The following RIPOR2 variants were observed in gnomAD, a reference collection of about 807,000 sequenced individuals.
The protein encoded by RIPOR2 is rho family-interacting cell polarization regulator 2.
RIPOR2 carries 39 observed loss-of-function variants against 114.5 expected under a neutral mutation model. The ratio of observed to expected loss-of-function variants is 0.34; its 90% CI spans 0.26 to 0.44. RIPOR2 has a LOEUF of 0.44. Among genes scored for constraint, RIPOR2 ranks in the 20% least tolerant of loss-of-function variants. The pLI, the probability that RIPOR2 is intolerant of heterozygous loss-of-function variation, is 1.00. For synonymous variants in RIPOR2, 445 were observed against 484.4 expected (o/e 0.92, Z 1.07); for missense variants, 1,007 against 1,255.1 (o/e 0.80, Z 2.99).
intron 1 of RIPOR2, among the ~76,000 whole-genome samples, chr6:24,957,194 T>G (rs1773078161): frequency 7.0e-6 from 1 of 142,228 alleles, no homozygotes; most frequent in Non-Finnish European, 1.5e-5. Flanking sequence ...AAAATCTCTC[T>G]TGGGACTCAC....
intron 1 of RIPOR2, among the ~76,000 whole-genome samples, chr6:25,002,613 C>A (rs1266258683): frequency 6.6e-6 from 1 of 152,218 alleles, no homozygotes; most frequent in Non-Finnish European, 1.5e-5. Flanking sequence ...GCAGAAGCAA[C>A]AGTGCCCTTT....
chr6:24,981,839 C>A (rs114378178), intron 1 of RIPOR2, among the ~76,000 whole-genome samples: 1,547 of 152,288 alleles, frequency 0.01, 22 homozygotes, highest in African/African-American at 0.026. Flanking sequence ...TGAGGTGCTA[C>A]TTGAAAGAGA....
At chr6:24,942,688 T>A (rs997640252) in intron 1 of RIPOR2, among the ~76,000 whole-genome samples, 1 of 152,224 alleles carries the variant, frequency 6.6e-6, no homozygotes, top group Non-Finnish European at 1.5e-5. Context: ...TTTTCATATG[T>A]CTTTTGGCTA....
At chr6:24,830,442 G>T in intron 17 of RIPOR2, 67 bp downstream of exon 17, 2 of 693,492 alleles carry the variant, frequency 2.9e-6, no homozygotes, top group East Asian at 4.6e-5. Flanking sequence ...CCTCTCCCCC[G>T]ACCCCCACCC....
At position 24,976,303 on chromosome 6, in the gene RIPOR2, C is replaced by T. The variant is rs1055448284; in HGVS notation, c.76+65548G>A. 3 of 711,206 alleles carry T rather than the reference C, an allele frequency of 4.2e-6. No homozygotes were observed. In the East Asian group the frequency reaches 8.2e-5, roughly 19 times the overall value. 44.1% of individuals were successfully genotyped at this position (711,206 alleles called of 1,614,324 possible). On this transcript the variant is annotated intron_variant, in intron 1 of 13. Transcript: ENST00000510784. ...CGTATATATGCCTTGAAATATTGTGCAACCACTTAAATTGTGTTTTTAAAA... is the reference window on the plus strand; with the variant it reads ...CGTATATATGCCTTGAAATATTGTGTAACCACTTAAATTGTGTTTTTAAAA...
At chr6:24,970,612 G>T (rs895225797) in intron 1 of RIPOR2, among the ~76,000 whole-genome samples, 1 of 152,098 alleles carries the variant, frequency 6.6e-6, no homozygotes, top group African/African-American at 2.4e-5. Flanking sequence ...TATAGCCTCC[G>T]GGTTCACATG....
chr6:24,837,713 T>C (rs1302681578), intron 14 of RIPOR2, among the ~76,000 whole-genome samples: 1 of 152,188 alleles, frequency 6.6e-6, no homozygotes, highest in African/African-American at 2.4e-5. Flanking sequence ...CCTGGCCAAA[T>C]GTAGGATAAT....
intron 1 of RIPOR2, among the ~76,000 whole-genome samples, chr6:24,884,554 GA>G (rs1467363491): frequency 6.6e-6 from 1 of 152,040 alleles, no homozygotes; most frequent in African/African-American, 2.4e-5. Context: ...GTGAACGGAT[GA>G]AAAAAAAGTG....
intron 11 of RIPOR2, 95 bp from the exon 12 acceptor site, chr6:24,848,249 A>C: frequency 7.8e-7 from 1 of 1,284,992 alleles, no homozygotes; most frequent in South Asian, 1.5e-5. Context: ...ATATAAAGGT[A>C]AACTCAACCA....
chr6:25,017,784 C>T (rs1776086884), intron 1 of RIPOR2, among the ~76,000 whole-genome samples: 1 of 152,206 alleles, frequency 6.6e-6, no homozygotes, highest in Non-Finnish European at 1.5e-5. Context: ...GATGGGAATG[C>T]AGGAATCAGC....
intron 1 of RIPOR2, among the ~76,000 whole-genome samples, chr6:24,959,835 C>A (rs1462966741): frequency 6.6e-6 from 1 of 152,174 alleles, no homozygotes; most frequent in Admixed American, 6.5e-5. Flanking sequence ...CTGTCTTGTG[C>A]TGCTTATGAC....
chr6:24,879,300 C>T (rs972384886), intron 1 of RIPOR2, among the ~76,000 whole-genome samples: 8 of 152,132 alleles, frequency 5.3e-5, no homozygotes, highest in Non-Finnish European at 1.2e-4. Context: ...GAGAGGAGAT[C>T]GCGCCACTGT....
In RIPOR2 at chr6:24,818,599, T is replaced by C. The variant is rs61733143; in HGVS notation, c.2895A>G (p.Leu965=). 0.015 allele frequency: 22,843 copies of C among 1,550,650 alleles called. 449 individuals carry two copies. The highest frequency in any genetic ancestry group is 0.088 in the African/African-American group (6,408 of 73,058). Residue 965 remains leucine, a synonymous_variant, in exon 20 of 22, where the codon CTA becomes CTG. Transcript: ENST00000643898. ...EKALLYYCEA[L]TKTNLQLQKA... is the part of the protein sequence containing the mutation. ...TCTGGAGCTGGAGGTTTGTCTTTGT[T>C]AGTGCTTCACAGTAATAGAGCAAGG...
At chr6:24,946,362 A>T (rs1483747682) in intron 1 of RIPOR2, among the ~76,000 whole-genome samples, 1 of 152,154 alleles carries the variant, frequency 6.6e-6, no homozygotes, top group Non-Finnish European at 1.5e-5. Flanking sequence ...GGTGTGAGCC[A>T]TCGCACCCTG....
Position 24,825,232 on chromosome 6 carries a change from C to T in RIPOR2, c.2862G>A (p.Arg954=). The change falls in exon 19 of 22, where the codon AGG becomes AGA. Residue 954 remains arginine, a synonymous_variant. Transcript: ENST00000643898. ...LAAASKNQHF[R]EKALLYYCEA... ...CCATGGTTTAGTGTCTTACCTTTTCCCTGAAATGCTGATTTTTGGAGGCTG... is the reference window on the plus strand; with the variant it reads ...CCATGGTTTAGTGTCTTACCTTTTCTCTGAAATGCTGATTTTTGGAGGCTG... The T allele has an allele frequency of 4.5e-6, 7 of 1,550,280 alleles. No individual in the cohort carries two copies. Among genetic ancestry groups the T allele is most frequent in the Non-Finnish European group, 6.1e-6 (7 of 1,146,780 alleles).
chr6:24,942,665 G>A (rs1195477941), intron 1 of RIPOR2, among the ~76,000 whole-genome samples: 1 of 152,204 alleles, frequency 6.6e-6, no homozygotes, highest in Non-Finnish European at 1.5e-5. Context: ...GATGGCCAGT[G>A]ATGATGAGCA....
chr6:24,931,876 C>T (rs1771417677), intron 1 of RIPOR2: 1 of 152,180 alleles, frequency 6.6e-6, no homozygotes, highest in South Asian at 2.1e-4. Flanking sequence ...GTAATTTTGG[C>T]TGCTAAAATA....
intron 1 of RIPOR2, among the ~76,000 whole-genome samples, chr6:24,907,727 G>C (rs929356108): frequency 2.6e-5 from 4 of 152,116 alleles, no homozygotes; most frequent in African/African-American, 4.8e-5. Flanking sequence ...TTGTTTTCAG[G>C]GGGAAAATGT....
At chr6:24,930,370 T>A (rs1208005715) in intron 1 of RIPOR2, among the ~76,000 whole-genome samples, 1 of 152,208 alleles carries the variant, frequency 6.6e-6, no homozygotes, top group African/African-American at 2.4e-5. Flanking sequence ...TTGCTGCTCA[T>A]AGAGATATTA....
Sources: gnomAD v4.1 joint callset for allele counts (sites outside exome capture counted in the v4.1 genomes callset) on GRCh38, gnomAD v4.1.1 for gene constraint, MANE v1.5 for transcripts, NCBI Gene and HGNC (gene_info 2026-07-23, HGNC 2026-07-21) for gene names.